The following RUNDC3B variants were observed in gnomAD, a reference collection of about 807,000 sequenced individuals.
RUNDC3B encodes the protein RUN domain-containing protein 3B.
A neutral mutation model predicts 58.4 loss-of-function variants in RUNDC3B; 33 were observed. That is an observed-to-expected ratio of 0.56 (90% confidence interval 0.43 to 0.75). RUNDC3B has a LOEUF of 0.75. Among genes scored for constraint, RUNDC3B ranks in the 30% least tolerant of loss-of-function variants. RUNDC3B has a pLI of 0.00. For missense variants in RUNDC3B, 501 were observed against 535.7 expected (o/e 0.94, Z 0.64); for synonymous variants, 193 against 195.2 (o/e 0.99, Z 0.10).
intron 2 of RUNDC3B, among the ~76,000 whole-genome samples, chr7:87,663,352 C>A (rs1020598480): frequency 6.6e-6 from 1 of 152,018 alleles, no homozygotes; most frequent in Non-Finnish European, 1.5e-5. Context: ...CTAACCATCT[C>A]GTTGTCCAGT....
At chr7:87,666,976 T>C (rs1825317982) in intron 2 of RUNDC3B, among the ~76,000 whole-genome samples, 1 of 152,192 alleles carries the variant, frequency 6.6e-6, no homozygotes, top group African/African-American at 2.4e-5. Context: ...ATTTGGGTTC[T>C]ATTTTGGTTC....
At position 87,701,866 on chromosome 7, in the gene RUNDC3B, G is replaced by A. The variant is rs927280277; in HGVS notation, c.372+1312G>A. 7.9e-5 allele frequency among the ~76,000 whole-genome samples: 12 copies of A among 151,980 alleles called. No homozygotes were observed. In the East Asian group the frequency reaches 1.4e-3, roughly 17 times the overall value. ...AAAATGTAAAACAGAGATACTGGCC[G>A]GGCGCGGTGGCTCACGCCTGTAATC... is the stretch of plus-strand genomic sequence containing the variant. On this transcript the variant is annotated intron_variant, in intron 3 of 10. Transcript: ENST00000394654.
chr7:87,683,158 A>T (rs1827098141), intron 2 of RUNDC3B, among the ~76,000 whole-genome samples: 1 of 152,134 alleles, frequency 6.6e-6, no homozygotes, highest in African/African-American at 2.4e-5. Context: ...TGCCTCTCTC[A>T]TCCTTCATAG....
chr7:87,772,453 G>A (rs909676669), intron 7 of RUNDC3B, among the ~76,000 whole-genome samples: 1 of 152,142 alleles, frequency 6.6e-6, no homozygotes, highest in Non-Finnish European at 1.5e-5. Context: ...TAAGAACATA[G>A]ATAATAGTTA....
intron 2 of RUNDC3B, among the ~76,000 whole-genome samples, chr7:87,690,757 A>G (rs1329198468): frequency 2.6e-5 from 4 of 152,206 alleles, no homozygotes; most frequent in Admixed American, 2.6e-4. Context: ...GCCAATTTAT[A>G]GACAAGACTT....
chr7:87,718,362 A>T (rs1830681967), intron 4 of RUNDC3B, among the ~76,000 whole-genome samples: 1 of 152,094 alleles, frequency 6.6e-6, no homozygotes, highest in South Asian at 2.1e-4. Context: ...TCTGCCTAGC[A>T]CCTATCAAAA....
At chr7:87,709,846 C>T (rs556182611) in intron 3 of RUNDC3B, among the ~76,000 whole-genome samples, 39 of 152,242 alleles carry the variant, frequency 2.6e-4, no homozygotes, top group Non-Finnish European at 3.1e-4. Context: ...GAAGTTCTTA[C>T]TACAAATATG....
At position 87,796,720 on chromosome 7, in the gene RUNDC3B, A is replaced by G. The variant is rs550901893; in HGVS notation, c.957-10653A>G. 1.6e-4 allele frequency among the ~76,000 whole-genome samples: 24 copies of G among 152,324 alleles called. No homozygotes were observed. In the South Asian group the frequency reaches 4.3e-3, roughly 28 times the overall value. On this transcript the variant is annotated intron_variant, in intron 8 of 10. Transcript: ENST00000394654. ...GCCAGCAAAACTGCCCTTCAAAAAT[A>G]AGAGAGACGTTAAGGTGTTCCCGGA... is the stretch of plus-strand genomic sequence containing the variant.
At chr7:87,712,358 A>G (rs1253253879) in intron 4 of RUNDC3B, among the ~76,000 whole-genome samples, 1 of 152,134 alleles carries the variant, frequency 6.6e-6, no homozygotes, top group African/African-American at 2.4e-5. Flanking sequence ...TCATTATGAA[A>G]CTTGATAAGC....
At chr7:87,726,722 G>A (rs1216402639) in intron 4 of RUNDC3B, among the ~76,000 whole-genome samples, 1 of 152,210 alleles carries the variant, frequency 6.6e-6, no homozygotes, top group African/African-American at 2.4e-5. Flanking sequence ...TCCTATCCAT[G>A]AGCATGGAAT....
chr7:87,763,653 A>G (rs1833818477), intron 6 of RUNDC3B, among the ~76,000 whole-genome samples: 1 of 151,684 alleles, frequency 6.6e-6, no homozygotes, highest in African/African-American at 2.4e-5. Flanking sequence ...TAGGCAATCC[A>G]TTTATTTTTA....
chr7:87,723,032 G>A (rs543367704), intron 4 of RUNDC3B, among the ~76,000 whole-genome samples: 1 of 152,150 alleles, frequency 6.6e-6, no homozygotes, highest in Non-Finnish European at 1.5e-5. Flanking sequence ...CAATGATAAT[G>A]TGAATAATAA....
chr7:87,787,891 T>C lies in RUNDC3B; in HGVS notation c.956+9936T>C, dbSNP rs150639587. On this transcript the variant is annotated intron_variant, in intron 8 of 10. Coordinates refer to ENST00000394654, the MANE Select transcript of RUNDC3B (RefSeq NM_001134405.2). ...AATGCTACGGATCAAACAATGAGTTTTGACTCTATCATATTATCCCCAAGT... is the reference window on the plus strand; with the variant it reads ...AATGCTACGGATCAAACAATGAGTTCTGACTCTATCATATTATCCCCAAGT... 4.9e-3 allele frequency among the ~76,000 whole-genome samples: 750 copies of C among 152,322 alleles called. 7 individuals carry two copies. Among genetic ancestry groups the C allele is most frequent in the African/African-American group, 0.017 (718 of 41,560 alleles).
At chr7:87,653,652 G>T (rs1823800034) in intron 2 of RUNDC3B, among the ~76,000 whole-genome samples, 1 of 151,862 alleles carries the variant, frequency 6.6e-6, no homozygotes, top group African/African-American at 2.4e-5. Context: ...TCTTTTTTCT[G>T]CTACTTTTTT....
At chr7:87,804,008 A>T (rs940886567) in intron 8 of RUNDC3B, among the ~76,000 whole-genome samples, 15 of 152,144 alleles carry the variant, frequency 9.9e-5, no homozygotes, top group Non-Finnish European at 1.3e-4. Flanking sequence ...ACCGTTCCCA[A>T]GTAGCTTATA....
chr7:87,813,221 A>T (rs945510855), intron 9 of RUNDC3B, among the ~76,000 whole-genome samples: 2 of 152,230 alleles, frequency 1.3e-5, no homozygotes, highest in African/African-American at 2.4e-5. Flanking sequence ...TAACTGTGAC[A>T]AATTAAAGGG....
chr7:87,692,772 A>G (rs543029698), intron 2 of RUNDC3B, among the ~76,000 whole-genome samples: 3 of 152,354 alleles, frequency 2.0e-5, no homozygotes, highest in Admixed American at 6.5e-5. Context: ...TTTACATTCA[A>G]TGTTGAGAAA....
At position 87,801,879 on chromosome 7, in the gene RUNDC3B, T is replaced by C. The variant is rs192202701; in HGVS notation, c.957-5494T>C. Among the ~76,000 whole-genome samples, 688 of 152,320 alleles carry C rather than the reference T, an allele frequency of 4.5e-3. 6 individuals are homozygous for C. Among genetic ancestry groups the C allele is most frequent in the Admixed American group, 7.0e-3 (107 of 15,300 alleles). The stretch of plus-strand genomic sequence containing the variant: ...TCTTCACAAATTGAATTTTAGCAAA[T>C]TACATAATGAACAAGTGAGATATAG... On this transcript the variant is annotated intron_variant, in intron 8 of 10. Coordinates refer to ENST00000394654, the MANE Select transcript of RUNDC3B (RefSeq NM_001134405.2).
chr7:87,766,656 C>A (rs1327556097), intron 6 of RUNDC3B, among the ~76,000 whole-genome samples: 1 of 151,946 alleles, frequency 6.6e-6, no homozygotes, highest in Non-Finnish European at 1.5e-5. Flanking sequence ...TCTTTTATTT[C>A]TTTTCCTTTA....
Sources: allele counts gnomAD v4.1 joint callset (sites outside exome capture counted in the v4.1 genomes callset), GRCh38; gene constraint gnomAD v4.1.1; transcripts MANE v1.5; gene names NCBI Gene and HGNC (gene_info 2026-07-23, HGNC 2026-07-21).